Variants in OCA2 observed in about 807,000 individuals in gnomAD.
OCA2 encodes the protein P protein.
OCA2 carries 77 observed loss-of-function variants against 100.2 expected under a neutral mutation model. The observed-to-expected ratio is 0.77, with a 90% confidence interval of 0.64 to 0.93. The LOEUF (loss-of-function observed/expected upper bound fraction) is 0.93, where lower values mean the gene tolerates loss of function less well. OCA2 is among the 40% of genes least tolerant of loss of function. The pLI is 0.00. For synonymous variants in OCA2, 432 were observed against 439.2 expected (o/e 0.98, Z 0.21); for missense variants, 1,062 against 1,089.1 (o/e 0.98, Z 0.35).
chr15:27,855,933 G>A (rs1396199558), intron 21 of OCA2, among the ~76,000 whole-genome samples: 1 of 152,162 alleles, frequency 6.6e-6, no homozygotes, highest in Non-Finnish European at 1.5e-5. Context: ...CTGTCACAAA[G>A]CACCACGAGC....
At chr15:28,006,368 C>T (rs1224995491) in intron 9 of OCA2, among the ~76,000 whole-genome samples, 4 of 152,192 alleles carry the variant, frequency 2.6e-5, no homozygotes, top group Non-Finnish European at 4.4e-5. Flanking sequence ...ATCCAGGAGG[C>T]GAGGTTGGAA....
At chr15:27,855,368 C>A (rs972126118) in intron 21 of OCA2, among the ~76,000 whole-genome samples, 1 of 152,264 alleles carries the variant, frequency 6.6e-6, no homozygotes. Context: ...TGTCCTCTGC[C>A]TCACACACTA....
At chr15:28,014,388 C>T (rs1192761816) in intron 9 of OCA2, among the ~76,000 whole-genome samples, 2 of 152,190 alleles carry the variant, frequency 1.3e-5, no homozygotes, top group African/African-American at 4.8e-5. Context: ...CACACACAAC[C>T]CCACGGTGCA....
At chr15:27,749,531 G>A in the OCA2 span, among the ~76,000 whole-genome samples, 1 of 152,110 alleles carries the variant, frequency 6.6e-6, no homozygotes, top group Non-Finnish European at 1.5e-5. Context: ...CATAAAGATT[G>A]AGAAGGCAGA....
chr15:27,839,859 A>G (rs1032774011), intron 23 of OCA2, among the ~76,000 whole-genome samples: 1 of 152,230 alleles, frequency 6.6e-6, no homozygotes, highest in Non-Finnish European at 1.5e-5. Context: ...CACACATAAA[A>G]TATGATCAAA....
At chr15:27,797,222 T>C (rs981462263) in intron 23 of OCA2, among the ~76,000 whole-genome samples, 4 of 152,186 alleles carry the variant, frequency 2.6e-5, no homozygotes, top group African/African-American at 9.7e-5. Flanking sequence ...AAGTAAAATG[T>C]GGGTCAACAG....
At chr15:27,950,524 G>A in intron 18 of OCA2, 1 of 518,386 alleles carries the variant, frequency 1.9e-6, no homozygotes, top group Non-Finnish European at 3.9e-6. Context: ...TCTCAGGTGT[G>A]GATAAATAAT....
chr15:27,889,976 C>T (rs2037388045), intron 19 of OCA2, among the ~76,000 whole-genome samples: 1 of 152,168 alleles, frequency 6.6e-6, no homozygotes, highest in African/African-American at 2.4e-5. Context: ...AGTCCAAGAT[C>T]CAGGTACCAG....
At chr15:27,913,860 A>G (rs2038513219) in intron 19 of OCA2, among the ~76,000 whole-genome samples, 2 of 47,160 alleles carry the variant, frequency 4.2e-5, no homozygotes, top group African/African-American at 2.0e-4. Context: ...AGAAAGAAAG[A>G]AAGAAAGAAA....
chr15:27,988,548 G>C (rs1483776820), intron 11 of OCA2, among the ~76,000 whole-genome samples: 1 of 152,142 alleles, frequency 6.6e-6, no homozygotes, highest in Non-Finnish European at 1.5e-5. Context: ...GCCCAGGAGG[G>C]AGGCTCAGGA....
intron 21 of OCA2, among the ~76,000 whole-genome samples, chr15:27,854,268 C>T (rs1364644884): frequency 6.6e-6 from 1 of 152,194 alleles, no homozygotes; most frequent in Non-Finnish European, 1.5e-5. Flanking sequence ...ATGGGGAGGA[C>T]ATGTGGAGCA....
At chr15:28,070,825 T>C in intron 2 of OCA2, among the ~76,000 whole-genome samples, 1 of 142,392 alleles carries the variant, frequency 7.0e-6, no homozygotes. Context: ...CTAAGAAAAA[T>C]TCCTCTGCCT....
intron 17 of OCA2, among the ~76,000 whole-genome samples, chr15:27,954,934 G>C (rs1308611980): frequency 2.0e-5 from 3 of 152,332 alleles, no homozygotes; most frequent in Admixed American, 2.0e-4. Context: ...ACAGGGAAAG[G>C]CTCTATAAAG....
At chr15:27,808,116 A>C (rs1284501768) in intron 23 of OCA2, among the ~76,000 whole-genome samples, 3 of 152,234 alleles carry the variant, frequency 2.0e-5, no homozygotes, top group African/African-American at 2.4e-5. Context: ...TCTATTCTAC[A>C]TGGGGGCAAA....
intron 22 of OCA2, among the ~76,000 whole-genome samples, chr15:27,849,936 G>A (rs1278858100): frequency 1.3e-5 from 2 of 152,110 alleles, no homozygotes; most frequent in African/African-American, 4.8e-5. Flanking sequence ...GCCGTGCCAG[G>A]AACAGGTGCC....
chr15:27,904,201 G>T (rs946633258), intron 19 of OCA2, among the ~76,000 whole-genome samples: 2 of 152,132 alleles, frequency 1.3e-5, no homozygotes, highest in Non-Finnish European at 2.9e-5. Flanking sequence ...GCATTGTTCA[G>T]CTCCCTCGCT....
At chr15:27,845,561 G>A (rs1206875499) in intron 22 of OCA2, among the ~76,000 whole-genome samples, 1 of 152,132 alleles carries the variant, frequency 6.6e-6, no homozygotes, top group Non-Finnish European at 1.5e-5. Context: ...ACCTCTCTGG[G>A]TAAGCTTTTA....
At chr15:27,861,963 G>A (rs541435314) in intron 21 of OCA2, among the ~76,000 whole-genome samples, 21 of 152,318 alleles carry the variant, frequency 1.4e-4, no homozygotes, top group Admixed American at 2.0e-4. Flanking sequence ...CCACACACCC[G>A]GAATGCAGCC....
chr15:27,725,845 T>C, the OCA2 span, among the ~76,000 whole-genome samples: 6 of 151,902 alleles, frequency 3.9e-5, no homozygotes, highest in Non-Finnish European at 7.4e-5. Context: ...AAAGAGTGGG[T>C]TGAGTTCTCA....
Sources: gnomAD v4.1 joint callset for allele counts (sites outside exome capture counted in the v4.1 genomes callset) on GRCh38, gnomAD v4.1.1 for gene constraint, MANE v1.5 for transcripts, NCBI Gene and HGNC (gene_info 2026-07-23, HGNC 2026-07-21) for gene names.